GXYLT2: variants seen among roughly 807,000 people sequenced by gnomAD.
The protein encoded by GXYLT2 is glucoside xylosyltransferase 2.
A neutral mutation model predicts 45.8 loss-of-function variants in GXYLT2; 53 were observed. That is an observed-to-expected ratio of 1.16 (90% CI 0.93 to 1.46). The LOEUF is 1.46. GXYLT2 is among the 40% of genes most tolerant of loss of function. The pLI, the probability that GXYLT2 is intolerant of heterozygous loss-of-function variation, is 0.00. For missense variants in GXYLT2, 551 were observed against 544.4 expected, an observed-to-expected ratio of 1.01 and a Z score of -0.12; for synonymous variants, 219 against 214.2, an observed-to-expected ratio of 1.02 and a Z score of -0.19.
At chr3:72,917,826 A>G (rs1451890889) in intron 2 of GXYLT2, among the ~76,000 whole-genome samples, 1 of 152,118 alleles carries the variant, frequency 6.6e-6, no homozygotes, top group Admixed American at 6.6e-5. Flanking sequence ...CAGTAAATTC[A>G]TAAATAATAA....
chr3:72,888,755 T>A (rs1478466821), intron 1 of GXYLT2, among the ~76,000 whole-genome samples: 1 of 152,216 alleles, frequency 6.6e-6, no homozygotes, highest in East Asian at 1.9e-4. Flanking sequence ...TACATTACAT[T>A]TTTTAACTGT....
chr3:72,970,538 G>C (rs1416626929), intron 6 of GXYLT2, among the ~76,000 whole-genome samples: 2 of 151,898 alleles, frequency 1.3e-5, no homozygotes, highest in Non-Finnish European at 2.9e-5. Flanking sequence ...ATTTGCTAGG[G>C]AGAGTCCTGG....
chr3:72,904,515 A>G (rs1308449213), intron 1 of GXYLT2, among the ~76,000 whole-genome samples: 1 of 152,170 alleles, frequency 6.6e-6, no homozygotes, highest in African/African-American at 2.4e-5. Context: ...ACCTGTCACC[A>G]GACACTGTGA....
chr3:72,892,230 T>A (rs1709196790), intron 1 of GXYLT2, among the ~76,000 whole-genome samples: 1 of 152,236 alleles, frequency 6.6e-6, no homozygotes, highest in East Asian at 1.9e-4. Flanking sequence ...ATCCCAACAA[T>A]GGTTATTGCA....
chr3:72,910,443 T>G (rs1018135950), intron 2 of GXYLT2, among the ~76,000 whole-genome samples: 1 of 152,208 alleles, frequency 6.6e-6, no homozygotes, highest in Non-Finnish European at 1.5e-5. Context: ...TTGGCCTTTT[T>G]GAGCCTCAGT....
intron 2 of GXYLT2, among the ~76,000 whole-genome samples, chr3:72,909,567 T>A (rs1301711976): frequency 1.3e-5 from 2 of 152,204 alleles, no homozygotes; most frequent in Non-Finnish European, 2.9e-5. Flanking sequence ...CAGTCAGTAC[T>A]CCTACATTCT....
At chr3:72,917,567 G>C (rs1041574753) in intron 2 of GXYLT2, among the ~76,000 whole-genome samples, 4 of 151,782 alleles carry the variant, frequency 2.6e-5, no homozygotes, top group Admixed American at 2.6e-4. Flanking sequence ...TCCCAGCCTG[G>C]GCAACATGGC....
At chr3:72,967,093 C>T (rs956997759) in intron 5 of GXYLT2, among the ~76,000 whole-genome samples, 3 of 152,176 alleles carry the variant, frequency 2.0e-5, no homozygotes, top group African/African-American at 7.2e-5. Flanking sequence ...ATTATTGAAC[C>T]ACTACTGTAT....
intron 6 of GXYLT2, among the ~76,000 whole-genome samples, chr3:72,973,465 G>A (rs1490878162): frequency 6.6e-6 from 1 of 152,222 alleles, no homozygotes; most frequent in Non-Finnish European, 1.5e-5. Flanking sequence ...TCTAATGGCA[G>A]TGGAAAGCCC....
intron 5 of GXYLT2, among the ~76,000 whole-genome samples, chr3:72,960,388 A>G (rs145636113): frequency 1.0e-3 from 152 of 152,350 alleles, no homozygotes; most frequent in Non-Finnish European, 1.8e-3. Flanking sequence ...TAGTGAGTAA[A>G]TAAATAATAC....
At chr3:72,936,441 A>G (rs539534232) in intron 3 of GXYLT2, among the ~76,000 whole-genome samples, 7 of 152,234 alleles carry the variant, frequency 4.6e-5, no homozygotes, top group African/African-American at 1.7e-4. Context: ...ATCACTTGAG[A>G]CTAGCCTGGC....
intron 1 of GXYLT2, among the ~76,000 whole-genome samples, chr3:72,889,797 G>A (rs1709142525): frequency 6.6e-6 from 1 of 151,762 alleles, no homozygotes; most frequent in Non-Finnish European, 1.5e-5. Context: ...CAGGGACAGT[G>A]CTAACCGCAG....
intron 3 of GXYLT2, among the ~76,000 whole-genome samples, chr3:72,946,525 A>G (rs1439669917): frequency 6.6e-6 from 1 of 152,174 alleles, no homozygotes; most frequent in Non-Finnish European, 1.5e-5. Flanking sequence ...TAAAGGCACC[A>G]AAAGATTGAT....
chr3:72,952,386 T>C (rs967917998), intron 3 of GXYLT2, among the ~76,000 whole-genome samples: 25 of 152,180 alleles, frequency 1.6e-4, no homozygotes, highest in African/African-American at 5.8e-4. Context: ...CATCCATTTC[T>C]CTAGTAGGTG....
At chr3:72,911,903 G>T (rs930892840) in intron 2 of GXYLT2, among the ~76,000 whole-genome samples, 13 of 149,116 alleles carry the variant, frequency 8.7e-5, no homozygotes, top group African/African-American at 3.2e-4. Flanking sequence ...CTCCATGCCT[G>T]GCTAATAAAA....
At chr3:72,961,174 A>G (rs1710761138) in intron 5 of GXYLT2, among the ~76,000 whole-genome samples, 1 of 152,206 alleles carries the variant, frequency 6.6e-6, no homozygotes, top group African/African-American at 2.4e-5. Context: ...GAGCCAACGC[A>G]GCTTCATCAA....
chr3:72,921,199 G>C (rs1050688045), intron 2 of GXYLT2, among the ~76,000 whole-genome samples: 1 of 151,398 alleles, frequency 6.6e-6, no homozygotes, highest in Non-Finnish European at 1.5e-5. Flanking sequence ...AAAATTTATA[G>C]TTTTTTTGCA....
chr3:72,943,593 T>C (rs1281711613), intron 3 of GXYLT2, among the ~76,000 whole-genome samples: 2 of 152,188 alleles, frequency 1.3e-5, no homozygotes, highest in East Asian at 3.9e-4. Flanking sequence ...CCCAGGCTGG[T>C]CTGGAACTCC....
intron 3 of GXYLT2, among the ~76,000 whole-genome samples, chr3:72,936,157 G>A (rs1183117828): frequency 6.6e-6 from 1 of 152,126 alleles, no homozygotes; most frequent in African/African-American, 2.4e-5. Context: ...CAGGTGTGGT[G>A]GCACGCGCCT....
Sources: allele counts gnomAD v4.1 joint callset (sites outside exome capture counted in the v4.1 genomes callset), GRCh38; gene constraint gnomAD v4.1.1; transcripts MANE v1.5; gene names NCBI Gene and HGNC (gene_info 2026-07-23, HGNC 2026-07-21).